The following ARL15 variants were observed in gnomAD, a reference collection of about 807,000 sequenced individuals.
ARL15 encodes ADP-ribosylation factor-like protein 15.
In ARL15, 19 loss-of-function variants were observed where a neutral mutation model predicts 25.2. The ratio of observed to expected loss-of-function variants is 0.75; its 90% CI spans 0.53 to 1.10. ARL15 has a LOEUF of 1.10. ARL15 is among the 50% of genes least tolerant of loss of function. The pLI is 0.00. For synonymous variants in ARL15, 94 were observed against 86.8 expected, an observed-to-expected ratio of 1.08 and a Z score of -0.46; for missense variants, 220 against 246.0, an observed-to-expected ratio of 0.89 and a Z score of 0.71.
chr5:54,306,902 A>G (rs1473660905), intron 1 of ARL15, among the ~76,000 whole-genome samples: 2 of 152,202 alleles, frequency 1.3e-5, no homozygotes, highest in Non-Finnish European at 2.9e-5. Flanking sequence ...GGAATCTAGA[A>G]GTTGATCTTG....
At chr5:54,183,539 G>A (rs1171218425) in intron 1 of ARL15, among the ~76,000 whole-genome samples, 11 of 147,526 alleles carry the variant, frequency 7.5e-5, no homozygotes, top group Non-Finnish European at 1.2e-4. Context: ...ATGTGCTGCT[G>A]GATTCGGTTT....
intron 4 of ARL15, among the ~76,000 whole-genome samples, chr5:54,067,943 T>C (rs766342357): frequency 2.6e-5 from 4 of 152,210 alleles, no homozygotes; most frequent in South Asian, 2.1e-4. Context: ...ACACCACCTT[T>C]ATGATACTTA....
intron 1 of ARL15, among the ~76,000 whole-genome samples, chr5:54,176,808 C>T (rs1754886757): frequency 6.6e-6 from 1 of 152,184 alleles, no homozygotes; most frequent in South Asian, 2.1e-4. Context: ...AAGAAAGGCG[C>T]CATACAGGTA....
At chr5:54,060,371 G>T (rs1412136587) in intron 4 of ARL15, among the ~76,000 whole-genome samples, 2 of 152,182 alleles carry the variant, frequency 1.3e-5, no homozygotes, top group African/African-American at 4.8e-5. Context: ...GGAGGTGGAG[G>T]TTGCAGTGAG....
At chr5:54,190,311 T>C (rs1341248002) in intron 1 of ARL15, among the ~76,000 whole-genome samples, 2 of 151,764 alleles carry the variant, frequency 1.3e-5, no homozygotes, top group East Asian at 3.9e-4. Flanking sequence ...AAGAATTGCT[T>C]GAACCCAGGA....
At chr5:54,094,497 G>A (rs1277095891) in intron 4 of ARL15, among the ~76,000 whole-genome samples, 1 of 151,280 alleles carries the variant, frequency 6.6e-6, no homozygotes, top group Admixed American at 6.6e-5. Flanking sequence ...AGGCACTGGG[G>A]TATATAATTC....
intron 1 of ARL15, among the ~76,000 whole-genome samples, chr5:54,296,359 A>C (rs1758466235): frequency 6.6e-6 from 1 of 152,226 alleles, no homozygotes; most frequent in Non-Finnish European, 1.5e-5. Context: ...TCTGCGAGGT[A>C]GGTATTTAAT....
intron 1 of ARL15, among the ~76,000 whole-genome samples, chr5:54,209,823 C>T (rs774850150): frequency 1.3e-5 from 2 of 152,106 alleles, no homozygotes; most frequent in Non-Finnish European, 2.9e-5. Context: ...AAACTGACAG[C>T]CTTTCTTATT....
Position 54,025,338 on chromosome 5 carries a change from C to T in ARL15, c.462+87864G>A, listed in dbSNP as rs886763657. 2.8e-4 allele frequency among the ~76,000 whole-genome samples: 42 copies of T among 150,458 alleles called. 1 individual carries two copies. The highest frequency in any genetic ancestry group is 5.6e-4 in the Non-Finnish European group (38 of 67,784). On this transcript the variant is annotated intron_variant, in intron 4 of 4. Transcript: ENST00000504924. ...CAACAGTCACATATTGAAAGCACTT[C>T]CCATGCCAAGAACAGCAAACCTAAT...
intron 4 of ARL15, among the ~76,000 whole-genome samples, chr5:54,066,996 A>C (rs1751255754): frequency 1.3e-5 from 2 of 152,174 alleles, no homozygotes; most frequent in African/African-American, 4.8e-5. Flanking sequence ...ACTAAAAACG[A>C]CATCTGAAAA....
chr5:53,974,135 G>T (rs1204179403), intron 4 of ARL15, among the ~76,000 whole-genome samples: 1 of 152,102 alleles, frequency 6.6e-6, no homozygotes, highest in African/African-American at 2.4e-5. Context: ...TTTAAATTGG[G>T]TACAGCCTAC....
At chr5:54,067,153 TCTCA>T (rs1751262400) in intron 4 of ARL15, 1 of 152,706 alleles carries the variant, frequency 6.5e-6, no homozygotes, top group African/African-American at 2.4e-5. Context: ...AAATATTTTT[TCTCA>T]CTCCTTTGAG....
Position 54,026,379 on chromosome 5 carries a change from C to T in ARL15, c.462+86823G>A, listed in dbSNP as rs188037490. 1.3e-3 allele frequency among the ~76,000 whole-genome samples: 199 copies of T among 152,208 alleles called. 1 individual carries two copies. Among genetic ancestry groups the T allele is most frequent in the African/African-American group, 4.5e-3 (188 of 41,520 alleles). ...GACTTCTCAGGCTCAGGTGATCCTC[C>T]CAACTCAGCTTCCTGAGTACCTGGG... On this transcript the variant is annotated intron_variant, in intron 4 of 4. Transcript: ENST00000504924.
intron 1 of ARL15, among the ~76,000 whole-genome samples, chr5:54,291,571 G>A (rs1009906261): frequency 2.0e-5 from 3 of 152,098 alleles, no homozygotes; most frequent in Non-Finnish European, 2.9e-5. Context: ...TAATACTAAA[G>A]CTACTAACTC....
At chr5:53,924,953 G>T (rs753124) in intron 4 of ARL15, among the ~76,000 whole-genome samples, 65,065 of 151,842 alleles carry the variant, frequency 0.43, 14,808 homozygotes, top group African/African-American at 0.59. Flanking sequence ...TTAGACACAA[G>T]AAAGAATTCA....
intron 4 of ARL15, among the ~76,000 whole-genome samples, chr5:54,091,145 A>T (rs909633669): frequency 6.6e-6 from 1 of 152,300 alleles, no homozygotes; most frequent in African/African-American, 2.4e-5. Context: ...CACACTTTGG[A>T]AATCTAAAAG....
In ARL15 at chr5:54,196,099, C is replaced by T. The variant is rs572461893; in HGVS notation, c.49-24171G>A. 1.4e-3 allele frequency among the ~76,000 whole-genome samples: 209 copies of T among 152,276 alleles called. 1 individual carries two copies. The highest frequency in any genetic ancestry group is 7.7e-3 in the South Asian group (37 of 4,824). On this transcript the variant is annotated intron_variant, in intron 1 of 4. Coordinates refer to ENST00000504924, the MANE Select transcript of ARL15 (RefSeq NM_019087.3). The stretch of plus-strand genomic sequence containing the variant: ...ATTGTATGGCTACCCCAAAATTTAT[C>T]AGTCTCCATTTGGTGGCTAAATACA...
intron 4 of ARL15, among the ~76,000 whole-genome samples, chr5:54,044,827 T>A (rs1188499093): frequency 6.6e-6 from 1 of 152,200 alleles, no homozygotes; most frequent in East Asian, 1.9e-4. Context: ...CTTTGACAAT[T>A]TCACAATTTT....
intron 3 of ARL15, among the ~76,000 whole-genome samples, chr5:54,121,340 C>T (rs1012435381): frequency 1.3e-5 from 2 of 152,114 alleles, no homozygotes; most frequent in East Asian, 3.9e-4. Flanking sequence ...TCCATTTCTC[C>T]ACCTGGCCCA....
Sources: allele counts gnomAD v4.1 joint callset (sites outside exome capture counted in the v4.1 genomes callset), GRCh38; gene constraint gnomAD v4.1.1; transcripts MANE v1.5; gene names NCBI Gene and HGNC (gene_info 2026-07-23, HGNC 2026-07-21).